Variants in ANKRD13C observed in about 807,000 individuals in gnomAD.
The protein encoded by ANKRD13C is ankyrin repeat domain-containing protein 13C.
ANKRD13C carries 16 observed loss-of-function variants against 65.5 expected under a neutral mutation model. The ratio of observed to expected loss-of-function variants is 0.24; its 90% CI spans 0.17 to 0.37. The LOEUF is 0.37. Ranked by LOEUF, ANKRD13C falls within the 10% of genes least tolerant of loss-of-function variation. ANKRD13C has a pLI of 1.00. For synonymous variants in ANKRD13C, 235 were observed against 238.7 expected (o/e 0.98, Z 0.14); for missense variants, 503 against 655.9 (o/e 0.77, Z 2.55).
rs140911532 is a variant in ANKRD13C at position 70,313,649 on chromosome 1, A to C, written c.709+96T>G. On this transcript the variant is annotated intron_variant, in intron 5 of 12. Transcript: ENST00000370944. ...AATACTTTTCCTCACAGCAAGTATT[A>C]AATTTGTTATCCTAACATTTCTATA... 2.2e-4 allele frequency: 200 copies of C among 917,000 alleles called. 1 individual carries two copies. The East Asian group carries it at 4.6e-3, about 21-fold the overall frequency. 56.8% of individuals were successfully genotyped at this position (917,000 alleles called of 1,614,324 possible).
Position 70,276,840 on chromosome 1 carries a change from A to C in ANKRD13C, c.1220T>G (p.Ile407Ser), listed in dbSNP as rs760010663. ...GNIMEQNFEP[I>S]RRQSLTPPPQ... ...AGGAGGTGTAAGAGACTGTCTTCGA[A>C]TCGGCTGCCAAAAAAAAAAAAGAAA... is the stretch of plus-strand genomic sequence containing the variant. The change falls in exon 10 of 13, where the codon ATT (isoleucine) becomes AGT (serine). Residue 407 changes from isoleucine (I) to serine (S), a missense_variant. By Grantham distance (142) the Ile-to-Ser change is moderately radical. Coordinates refer to ENST00000370944, the MANE Select transcript of ANKRD13C (RefSeq NM_030816.5). 5 of 1,590,596 alleles carry C rather than the reference A, an allele frequency of 3.1e-6. No individual in the cohort carries two copies. In the African/African-American group the frequency reaches 6.8e-5, roughly 22 times the overall value.
rs1252217595 is a variant in ANKRD13C, at chr1:70,262,242, A to G, written c.*475T>C. 1 of 152,704 alleles carries G rather than the reference A, an allele frequency of 6.5e-6. No homozygotes were observed. The highest frequency in any genetic ancestry group is 1.5e-5 in the Non-Finnish European group (1 of 68,084). The allele number at this position is 152,704 out of a possible 1,614,324, so 9.5% of individuals were successfully genotyped here. On this transcript the variant is annotated 3_prime_UTR_variant, in exon 13 of 13. Coordinates refer to ENST00000370944, the MANE Select transcript of ANKRD13C (RefSeq NM_030816.5). Reference sequence around the variant, plus strand: ...TGTTACATAGTTTACATTTTATGAAAACAAAGCTCGAAGGAATATTTATAA... The same window carrying G: ...TGTTACATAGTTTACATTTTATGAAGACAAAGCTCGAAGGAATATTTATAA...
At chr1:70,273,773 C>G (rs1558262834) in intron 11 of ANKRD13C, among the ~76,000 whole-genome samples, 1 of 152,052 alleles carries the variant, frequency 6.6e-6, no homozygotes, top group East Asian at 1.9e-4. Context: ...TCTCCTGCCT[C>G]AGCCTCCCTA....
chr1:70,270,788 AT>A (rs1678846566), intron 12 of ANKRD13C, 67 bp downstream of exon 12: 13 of 1,132,478 alleles, frequency 1.1e-5, no homozygotes, highest in Non-Finnish European at 1.7e-5. Flanking sequence ...GAAATTGCTT[AT>A]TAAATGTTAA....
intron 11 of ANKRD13C, among the ~76,000 whole-genome samples, chr1:70,272,727 A>G (rs528923719): frequency 5.9e-5 from 9 of 152,072 alleles, no homozygotes; most frequent in East Asian, 5.8e-4. Context: ...GGTGGCTCAC[A>G]TCTGTAATCC....
intron 3 of ANKRD13C, among the ~76,000 whole-genome samples, chr1:70,320,405 C>T (rs895641600): frequency 6.6e-6 from 1 of 151,872 alleles, no homozygotes; most frequent in Non-Finnish European, 1.5e-5. Flanking sequence ...ACAATGTCAG[C>T]TCACCACAGC....
Position 70,262,716 on chromosome 1 carries a change from G to C in ANKRD13C, c.*1C>G. The C allele has an allele frequency of 1.2e-6, 2 of 1,611,822 alleles. No homozygotes were observed. The highest frequency in any genetic ancestry group is 2.2e-5 in the South Asian group (2 of 90,864). On this transcript the variant is annotated 3_prime_UTR_variant, in exon 13 of 13. Transcript: ENST00000370944. ...TTAGACGGCATCCTTTTCCACGTCA[G>C]TTAAAGATCAGGAAAACGGCTTGGG... is the stretch of plus-strand genomic sequence containing the variant.
chr1:70,267,513 A>G (rs1461846018), intron 12 of ANKRD13C, among the ~76,000 whole-genome samples: 1 of 152,172 alleles, frequency 6.6e-6, no homozygotes. Flanking sequence ...AGCTGGGATT[A>G]CAGGGATGAG....
In ANKRD13C at chr1:70,297,286, G is replaced by GGTTTT. The variant is rs1558281019; in HGVS notation, c.922-1026_922-1025insAAAAC. ...TTTAACCTACATAGAGTCCCTTTCT[G>GGTTTT]ATTTTTTTTTTTTTTTTTTTTTTTT... On this transcript the variant is annotated intron_variant, in intron 7 of 12. Coordinates refer to ENST00000370944, the MANE Select transcript of ANKRD13C (RefSeq NM_030816.5). 2.5e-3 allele frequency among the ~76,000 whole-genome samples: 307 copies of GGTTTT among 125,052 alleles called. 13 individuals carry two copies. The highest frequency in any genetic ancestry group is 7.8e-3 in the African/African-American group (260 of 33,378). The allele number at this position is 125,052 out of a possible 152,430, so 82.0% of individuals were successfully genotyped here.
At chr1:70,349,820 G>A (rs1682673525) in intron 1 of ANKRD13C, among the ~76,000 whole-genome samples, 1 of 152,028 alleles carries the variant, frequency 6.6e-6, no homozygotes, top group Non-Finnish European at 1.5e-5. Context: ...GATCACTTGA[G>A]AAAAAAACAT....
intron 6 of ANKRD13C, among the ~76,000 whole-genome samples, chr1:70,301,178 C>CATATATATATATATATATACACAT (rs3839011): frequency 3.4e-5 from 5 of 148,656 alleles, no homozygotes; most frequent in Non-Finnish European, 6.0e-5. Flanking sequence ...TATACACACA[C>CATATATATATATATATATACACAT]ATATATATAT....
intron 2 of ANKRD13C, among the ~76,000 whole-genome samples, chr1:70,330,427 A>G (rs1681733368): frequency 6.6e-6 from 1 of 151,910 alleles, no homozygotes; most frequent in Non-Finnish European, 1.5e-5. Context: ...ACGTGGTGGC[A>G]TGCGCCTGTA....
chr1:70,340,334 T>C (rs974335824), intron 1 of ANKRD13C, among the ~76,000 whole-genome samples: 1 of 152,214 alleles, frequency 6.6e-6, no homozygotes, highest in African/African-American at 2.4e-5. Flanking sequence ...ATTGATATTT[T>C]AGCCTTTTTC....
At position 70,262,763 on chromosome 1, in the gene ANKRD13C, A is replaced by G. The variant is rs1415593972; in HGVS notation, c.1580T>C (p.Ile527Thr). 1.2e-6 allele frequency: 2 copies of G among 1,613,628 alleles called. No homozygotes were observed. The highest frequency in any genetic ancestry group is 1.7e-6 in the Non-Finnish European group (2 of 1,179,688). The change falls in exon 13 of 13, where the codon ATA becomes ACA. Residue 527 changes from isoleucine (I) to threonine (T), a missense_variant. By Grantham distance (89) the Ile-to-Thr change is moderately conservative. Around this residue, in one of 2 missense-constraint regions of ANKRD13C, gnomAD observed 300 missense variants for 478.3 expected, o/e 0.63. Coordinates refer to ENST00000370944, the MANE Select transcript of ANKRD13C (RefSeq NM_030816.5). ...TGGGTCTTCCTTGTAGTCATCAGGTATAGTAAAGATGGAGCCATCAAATTC... is the reference window on the plus strand; with the variant it reads ...TGGGTCTTCCTTGTAGTCATCAGGTGTAGTAAAGATGGAGCCATCAAATTC... Reference protein sequence around the residue: ...YDEFDGSIFTIPDDYKEDPSR... With the variant: ...YDEFDGSIFTTPDDYKEDPSR...
chr1:70,315,698 T>C (rs1681045132), intron 3 of ANKRD13C, 132 bp from the exon 4 acceptor site: 3 of 593,362 alleles, frequency 5.1e-6, no homozygotes, highest in South Asian at 6.2e-5. Context: ...TGTATGTGTA[T>C]GTGTGTATCT....
At chr1:70,265,824 CA>C (rs775757290) in intron 12 of ANKRD13C, among the ~76,000 whole-genome samples, 734 of 35,426 alleles carry the variant, frequency 0.021, no homozygotes, top group African/African-American at 0.06. Context: ...GACCTTGCCT[CA>C]AAAAAAAAAA....
At chr1:70,265,871 A>G (rs1336626235) in intron 12 of ANKRD13C, among the ~76,000 whole-genome samples, 2 of 141,900 alleles carry the variant, frequency 1.4e-5, no homozygotes, top group East Asian at 2.0e-4. Context: ...AGAAAAGAAG[A>G]AGGAAGGAAG....
intron 7 of ANKRD13C, among the ~76,000 whole-genome samples, chr1:70,299,197 A>G (rs956646156): frequency 3.3e-5 from 5 of 152,194 alleles, no homozygotes; most frequent in African/African-American, 9.6e-5. Flanking sequence ...AAAGAACATG[A>G]ACAAAGGAAT....
At chr1:70,335,173 G>A (rs757887207) in intron 2 of ANKRD13C, among the ~76,000 whole-genome samples, 8 of 151,998 alleles carry the variant, frequency 5.3e-5, no homozygotes, top group African/African-American at 7.2e-5. Flanking sequence ...TTGGGAGGCC[G>A]AGGCAGGCGG....
Sources: allele counts gnomAD v4.1 joint callset (sites outside exome capture counted in the v4.1 genomes callset), GRCh38; gene constraint gnomAD v4.1.1; regional missense constraint gnomAD v4.1.1; transcripts MANE v1.5; gene names NCBI Gene and HGNC (gene_info 2026-07-23, HGNC 2026-07-21).